MYZAP: variants seen among roughly 807,000 people sequenced by gnomAD.
MYZAP encodes myocardial zonula adherens protein.
Under a neutral mutation model 69.4 loss-of-function variants are expected in MYZAP, and 66 were observed. The ratio of observed to expected loss-of-function variants is 0.95; its 90% CI spans 0.78 to 1.17. The LOEUF is 1.17. Ranked by LOEUF, MYZAP falls within the 50% of genes most tolerant of loss-of-function variation. The pLI is 0.00. For synonymous variants in MYZAP, 256 were observed against 205.9 expected (o/e 1.24, Z -2.09); for missense variants, 611 against 556.2 (o/e 1.10, Z -0.99).
intron 11 of MYZAP, among the ~76,000 whole-genome samples, chr15:57,671,518 G>A (rs553835777): frequency 9.3e-4 from 141 of 152,006 alleles, no homozygotes; most frequent in African/African-American, 3.1e-3. Flanking sequence ...TAAAAAACCC[G>A]TATGTTAGGC....
At chr15:57,639,406 G>A in intron 9 of MYZAP, 34 bp from the exon 10 acceptor site, 1 of 1,610,072 alleles carries the variant, frequency 6.2e-7, no homozygotes, top group African/African-American at 1.3e-5. Flanking sequence ...CTTTGGTTTA[G>A]GACTCATTTG....
At position 57,591,996 on chromosome 15, in the gene MYZAP, A is replaced by G. The variant is rs1243560710; in HGVS notation, c.-39A>G. Reference sequence around the variant, plus strand: ...CCGCACGCTTATTCTGCCCGGGAGGAACGCCGGCGTCCAGCCCGCTACCGA... The same window carrying G: ...CCGCACGCTTATTCTGCCCGGGAGGGACGCCGGCGTCCAGCCCGCTACCGA... On this transcript the variant is annotated 5_prime_UTR_variant, in exon 1 of 13. Coordinates refer to ENST00000267853, the MANE Select transcript of MYZAP (RefSeq NM_001018100.5). The G allele has an allele frequency of 3.5e-6, 5 of 1,411,602 alleles. 1 individual carries two copies. The highest frequency in any genetic ancestry group is 4.6e-6 in the Non-Finnish European group (5 of 1,085,800). The allele number at this position is 1,411,602 out of a possible 1,614,324, so 87.4% of individuals were successfully genotyped here.
chr15:57,615,520 C>T (rs1231410522), intron 2 of MYZAP, among the ~76,000 whole-genome samples: 2 of 152,196 alleles, frequency 1.3e-5, no homozygotes, highest in East Asian at 3.9e-4. Flanking sequence ...GCAAGCCAGT[C>T]CACCTCTGAA....
Position 57,599,766 on chromosome 15 carries a change from A to C in MYZAP, c.76-4503A>C. ...TCCCATGGGGAGATTGCGGAAGGTG[A>C]ATGAATGGAGGGAGGTAGACTGTAC... On this transcript the variant is annotated intron_variant, in intron 1 of 12. Coordinates refer to ENST00000267853, the MANE Select transcript of MYZAP (RefSeq NM_001018100.5). 3 of 1,197,236 alleles carry C rather than the reference A, an allele frequency of 2.5e-6. No individual in the cohort carries two copies. In the South Asian group the frequency reaches 3.8e-5, roughly 15 times the overall value. 74.2% of individuals were successfully genotyped at this position (1,197,236 alleles called of 1,614,324 possible).
At chr15:57,661,397 A>G in intron 10 of MYZAP, 53 bp from the exon 11 acceptor site, 11 of 1,334,730 alleles carry the variant, frequency 8.2e-6, no homozygotes, top group Non-Finnish European at 1.1e-5. Context: ...ATAAACCTGT[A>G]CTTACACAAT....
At position 57,678,200 on chromosome 15, in the gene MYZAP, A is replaced by G. The variant is rs372811617; in HGVS notation, c.1304+3132A>G. 5.9e-5 allele frequency among the ~76,000 whole-genome samples: 9 copies of G among 152,016 alleles called. No homozygotes were observed. In the South Asian group the frequency reaches 1.0e-3, roughly 18 times the overall value. ...AACTTGATGAAACCCTGTCTCTACT[A>G]AAATACAAAAAATTAGCCGGGTGTG... is the stretch of plus-strand genomic sequence containing the variant. On this transcript the variant is annotated intron_variant, in intron 12 of 12. Transcript: ENST00000267853.
chr15:57,633,757 G>A lies in MYZAP; in HGVS notation c.933+16G>A. ...CATGGAAAAGGTAGGACACAGCGTT[G>A]GGCCTATTGCCCACTTGCCCAAACT... On this transcript the variant is annotated intron_variant, in intron 8 of 12. Coordinates refer to ENST00000267853, the MANE Select transcript of MYZAP (RefSeq NM_001018100.5). 1.3e-6 allele frequency: 2 copies of A among 1,547,498 alleles called. No individual in the cohort carries two copies. The highest frequency in any genetic ancestry group is 1.7e-6 in the Non-Finnish European group (2 of 1,146,550).
chr15:57,667,359 C>T (rs1393528991), intron 11 of MYZAP, among the ~76,000 whole-genome samples: 1 of 152,142 alleles, frequency 6.6e-6, no homozygotes, highest in Non-Finnish European at 1.5e-5. Flanking sequence ...AAAAAATGTC[C>T]AGAAGTGCTG....
At chr15:57,632,376 G>T in intron 6 of MYZAP, 58 bp from the exon 7 acceptor site, 1 of 1,608,928 alleles carries the variant, frequency 6.2e-7, no homozygotes. Flanking sequence ...TGCAGTGGAA[G>T]CTGCCAATTC....
chr15:57,669,057 A>T (rs2038745609), intron 11 of MYZAP, among the ~76,000 whole-genome samples: 1 of 151,692 alleles, frequency 6.6e-6, no homozygotes, highest in Admixed American at 6.6e-5. Flanking sequence ...CGCTCGGCTA[A>T]TTTTTGTATT....
At chr15:57,679,527 A>T (rs2039326122) in intron 12 of MYZAP, among the ~76,000 whole-genome samples, 1 of 152,068 alleles carries the variant, frequency 6.6e-6, no homozygotes, top group African/African-American at 2.4e-5. Flanking sequence ...GAATGGAGCC[A>T]TCTCCCTGTA....
At chr15:57,680,995 G>C (rs1430940470) in intron 12 of MYZAP, among the ~76,000 whole-genome samples, 1 of 152,208 alleles carries the variant, frequency 6.6e-6, no homozygotes, top group Non-Finnish European at 1.5e-5. Flanking sequence ...GAGGTTATTT[G>C]TGTTCTTGAA....
intron 11 of MYZAP, among the ~76,000 whole-genome samples, chr15:57,669,887 C>A (rs1261796037): frequency 2.2e-4 from 33 of 151,838 alleles, no homozygotes. Flanking sequence ...TGAGATTTTT[C>A]TTTGATTTAT....
chr15:57,642,127 C>T (rs1234139605), intron 10 of MYZAP, among the ~76,000 whole-genome samples: 2 of 152,172 alleles, frequency 1.3e-5, no homozygotes, highest in Non-Finnish European at 2.9e-5. Context: ...ATCATGGTTA[C>T]GTTCTTTACA....
chr15:57,599,700 G>T (rs147954399), intron 1 of MYZAP: 1 of 1,289,074 alleles, frequency 7.8e-7, no homozygotes, highest in South Asian at 1.2e-5. Context: ...TAAAATGCTC[G>T]GAGGTAAGGA....
rs763722435 is a variant in MYZAP at position 57,639,475 on chromosome 15, G to A, written c.1049G>A (p.Arg350His). Residue 350 changes from arginine (R) to histidine (H), a missense_variant, in exon 10 of 13, where the codon CGT becomes CAT. Physicochemically the swap from Arg to His is conservative, Grantham distance 29. Transcript: ENST00000267853. ...TTGGAGGAGGCATCAGCCAGCCTCC[G>A]TGAGCGGATCAGACACCTAGATGAC... ...QQLEEASASL[R>H]ERIRHLDDMV... 9 of 1,614,098 alleles carry A rather than the reference G, an allele frequency of 5.6e-6. No homozygotes were observed. The highest frequency in any genetic ancestry group is 4.5e-5 in the East Asian group (2 of 44,860).
intron 10 of MYZAP, chr15:57,648,071 G>A (rs2037536643): frequency 1.0e-6 from 1 of 983,138 alleles, no homozygotes; most frequent in Non-Finnish European, 1.2e-6. Flanking sequence ...TATTGTGAAT[G>A]ACAATGTTAT....
At chr15:57,621,754 G>T (rs988787529) in intron 4 of MYZAP, 54 bp downstream of exon 4, 1 of 1,572,622 alleles carries the variant, frequency 6.4e-7, no homozygotes, top group Admixed American at 1.7e-5. Flanking sequence ...GGCTCAGAGT[G>T]GTCCCTCAGT....
chr15:57,672,605 G>A (rs2038919843), intron 11 of MYZAP, among the ~76,000 whole-genome samples: 1 of 152,130 alleles, frequency 6.6e-6, no homozygotes, highest in Non-Finnish European at 1.5e-5. Flanking sequence ...CTCCAATCCA[G>A]CTTTCACTTG....
Sources: gnomAD v4.1 joint callset for allele counts (sites outside exome capture counted in the v4.1 genomes callset) on GRCh38, gnomAD v4.1.1 for gene constraint, MANE v1.5 for transcripts, NCBI Gene and HGNC (gene_info 2026-07-23, HGNC 2026-07-21) for gene names.